OCA2: variants seen among roughly 807,000 people sequenced by gnomAD.
OCA2 encodes OCA2 melanosomal transmembrane protein, also known as P protein.
Under a neutral mutation model 100.2 loss-of-function variants are expected in OCA2, and 77 were observed. The observed-to-expected ratio is 0.77, with a 90% CI of 0.64 to 0.93. The LOEUF (loss-of-function observed/expected upper bound fraction) is 0.93, where lower values mean the gene tolerates loss of function less well. Among genes scored for constraint, OCA2 ranks in the 40% least tolerant of loss-of-function variants. OCA2 has a pLI of 0.00. For missense variants in OCA2, 1,062 were observed against 1,089.1 expected (o/e 0.98, Z 0.35); for synonymous variants, 432 against 439.2 (o/e 0.98, Z 0.21).
chr15:28,098,308 G>A (rs1045679175), intron 1 of OCA2, among the ~76,000 whole-genome samples: 3 of 152,216 alleles, frequency 2.0e-5, no homozygotes, highest in African/African-American at 7.2e-5. Context: ...TCTTCTATGA[G>A]AGATAGTTAT....
intron 1 of OCA2, among the ~76,000 whole-genome samples, chr15:28,082,811 C>A (rs907764318): frequency 6.6e-6 from 1 of 151,980 alleles, no homozygotes; most frequent in African/African-American, 2.4e-5. Context: ...TTGCATTTAG[C>A]AAATTAATAC....
rs537386120 is a variant in OCA2, at chr15:27,862,160, G to A, written c.2244+8994C>T. On this transcript the variant is annotated intron_variant, in intron 21 of 23. Transcript: ENST00000354638. ...TCAAGTCCTCATGGACAGAAAGCGC[G>A]GTCGTCAGCCTCGAGTCCTCATGGA... Among the ~76,000 whole-genome samples, 14 of 151,466 alleles carry A rather than the reference G, an allele frequency of 9.2e-5. No homozygotes were observed. The South Asian group carries it at 2.5e-3, about 27-fold the overall frequency.
In OCA2 at chr15:28,018,489, T is replaced by G. The variant is rs2141261007; in HGVS notation, c.715A>C (p.Ser239Arg). 6.2e-7 allele frequency: 1 copy of G among 1,613,700 alleles called. No individual in the cohort carries two copies. The highest frequency in any genetic ancestry group is 8.5e-7 in the Non-Finnish European group (1 of 1,179,938). Residue 239 changes from serine to arginine, a missense_variant, in exon 7 of 24, where the codon AGT (serine) becomes CGT (arginine). Transcript: ENST00000354638. ...TCCCTCCCAGGACGACTCGGCCCAC[T>G]GGCCACTAGGGCCCCTGCCAGGTCC... is the stretch of plus-strand genomic sequence containing the variant. ...QVDLAGALVA[S>R]GPSRPGREEH...
intron 9 of OCA2, among the ~76,000 whole-genome samples, chr15:28,001,662 A>T (rs114625978): frequency 2.0e-5 from 3 of 152,096 alleles, no homozygotes; most frequent in African/African-American, 7.3e-5. Flanking sequence ...TGTTGCAGAG[A>T]AACTTCCAAA....
intron 23 of OCA2, among the ~76,000 whole-genome samples, chr15:27,767,942 C>T (rs2031398044): frequency 6.6e-6 from 1 of 152,226 alleles, no homozygotes; most frequent in Non-Finnish European, 1.5e-5. Flanking sequence ...CAATGGCACA[C>T]CTCTGTTTGG....
intron 2 of OCA2, among the ~76,000 whole-genome samples, chr15:28,075,460 T>A (rs1473041079): frequency 2.6e-5 from 4 of 152,216 alleles, no homozygotes; most frequent in African/African-American, 9.6e-5. Context: ...GGAGCTCTCA[T>A]GTATTGCTGG....
intron 14 of OCA2, among the ~76,000 whole-genome samples, chr15:27,974,488 C>T (rs912959889): frequency 1.4e-4 from 22 of 152,086 alleles, no homozygotes; most frequent in African/African-American, 5.1e-4. Flanking sequence ...AAATCAAGGC[C>T]GGGCATGGCG....
the OCA2 span, among the ~76,000 whole-genome samples, chr15:27,738,452 C>T: frequency 6.6e-6 from 1 of 152,122 alleles, no homozygotes; most frequent in Non-Finnish European, 1.5e-5. Flanking sequence ...AGCTCAACGC[C>T]GGGCCGGGCG....
chr15:27,801,677 C>CT (rs1205305329), intron 23 of OCA2, among the ~76,000 whole-genome samples: 6 of 148,992 alleles, frequency 4.0e-5, no homozygotes, highest in Non-Finnish European at 8.9e-5. Flanking sequence ...CATTAACAAA[C>CT]TAAAAAAATA....
At chr15:27,851,546 T>C in intron 21 of OCA2, 71 bp from the exon 22 acceptor site, 1 of 1,217,216 alleles carries the variant, frequency 8.2e-7, no homozygotes. Context: ...GTGACCAATT[T>C]AGAAAATCCA....
chr15:27,988,743 A>G (rs952447653), intron 11 of OCA2, among the ~76,000 whole-genome samples: 1 of 152,198 alleles, frequency 6.6e-6, no homozygotes, highest in Admixed American at 6.5e-5. Context: ...CCTCTCTTCT[A>G]TCCAGATGCC....
chr15:27,881,361 G>A (rs1449011336), intron 19 of OCA2, among the ~76,000 whole-genome samples: 7 of 152,186 alleles, frequency 4.6e-5, no homozygotes, highest in Non-Finnish European at 8.8e-5. Context: ...TTGGTATCAG[G>A]ATGATGCTGG....
At chr15:27,991,457 T>G (rs1305115984) in intron 9 of OCA2, among the ~76,000 whole-genome samples, 1 of 152,138 alleles carries the variant, frequency 6.6e-6, no homozygotes, top group Non-Finnish European at 1.5e-5. Context: ...GAAGTGATGC[T>G]GGGGAAAGAA....
intron 21 of OCA2, among the ~76,000 whole-genome samples, chr15:27,863,174 C>T (rs2036199704): frequency 6.6e-6 from 1 of 152,112 alleles, no homozygotes; most frequent in Non-Finnish European, 1.5e-5. Flanking sequence ...AGGCACAGAG[C>T]AGCGGTGGGA....
At chr15:27,724,870 A>G in the OCA2 span, among the ~76,000 whole-genome samples, 4 of 152,064 alleles carry the variant, frequency 2.6e-5, no homozygotes, top group Non-Finnish European at 4.4e-5. Flanking sequence ...GATAAAGTCA[A>G]TCAGGAACTC....
chr15:27,997,569 T>C (rs1322371913), intron 9 of OCA2, among the ~76,000 whole-genome samples: 1 of 152,028 alleles, frequency 6.6e-6, no homozygotes, highest in Non-Finnish European at 1.5e-5. Context: ...CATGCTGTTT[T>C]GCTTACTGTA....
chr15:27,941,943 A>G (rs2039662677), intron 18 of OCA2, among the ~76,000 whole-genome samples: 2 of 152,218 alleles, frequency 1.3e-5, no homozygotes, highest in Non-Finnish European at 2.9e-5. Context: ...AATGCAAATC[A>G]AAGCTGTAAT....
intron 19 of OCA2, among the ~76,000 whole-genome samples, chr15:27,923,315 T>G (rs2038933338): frequency 6.6e-6 from 1 of 152,240 alleles, no homozygotes; most frequent in Non-Finnish European, 1.5e-5. Context: ...TGAACACACA[T>G]GTGCATATGT....
intron 1 of OCA2, among the ~76,000 whole-genome samples, chr15:28,095,978 G>A (rs2044971079): frequency 6.6e-6 from 1 of 152,200 alleles, no homozygotes; most frequent in African/African-American, 2.4e-5. Context: ...GCGTCCCTCT[G>A]AGCGAGAAAC....
Sources: gnomAD v4.1 joint callset for allele counts (sites outside exome capture counted in the v4.1 genomes callset) on GRCh38, gnomAD v4.1.1 for gene constraint, MANE v1.5 for transcripts, NCBI Gene and HGNC (gene_info 2026-07-23, HGNC 2026-07-21) for gene names.